SYNE1: variants seen among roughly 807,000 people sequenced by gnomAD.
SYNE1 encodes spectrin repeat containing nuclear envelope protein 1, also known as nesprin-1.
Under a neutral mutation model 1,111.0 loss-of-function variants are expected in SYNE1, and 616 were observed. That is an observed-to-expected ratio of 0.55 (90% confidence interval 0.52 to 0.59). The LOEUF is 0.59. SYNE1 is among the 20% of genes least tolerant of loss of function. SYNE1 has a pLI of 0.00. For missense variants in SYNE1, 10,006 were observed against 10,417.0 expected (o/e 0.96, Z 1.72); for synonymous variants, 3,855 against 3,825.8 (o/e 1.01, Z -0.28).
chr6:152,151,683 A>AT lies in SYNE1; in HGVS notation c.24319dup (p.Ile8107AsnfsTer5). On this transcript the variant is annotated frameshift_variant, in exon 135 of 146. Transcript: ENST00000367255. LOFTEE classifies it high-confidence loss of function. ...AGTCTCAAACTCCTCACGCTGGCCA[A>AT]TAAAATGCTGGAAGGCAAGAGGAAA... 1 of 1,614,096 alleles carries AT rather than the reference A, an allele frequency of 6.2e-7. No individual in the cohort carries two copies. Among genetic ancestry groups the AT allele is most frequent in the Non-Finnish European group, 8.5e-7 (1 of 1,179,974 alleles).
intron 76 of SYNE1, chr6:152,335,620 A>G (rs1214275794): frequency 2.6e-5 from 4 of 152,166 alleles, no homozygotes; most frequent in African/African-American, 7.2e-5. Context: ...ATAATCACAG[A>G]GAAAAAACAT....
In SYNE1 at chr6:152,269,242, G is replaced by A; in HGVS notation, c.18618C>T (p.Ala6206=). The A allele has an allele frequency of 6.2e-7, 1 of 1,614,120 alleles. No homozygotes were observed. Among genetic ancestry groups the A allele is most frequent in the Non-Finnish European group, 8.5e-7 (1 of 1,180,034 alleles). The change falls in exon 99 of 146, where the codon GCC becomes GCT. Residue 6206 remains alanine, a synonymous_variant. Transcript: ENST00000367255. Reference sequence around the variant, plus strand: ...ATTCCTGGACGCCGGGGCTCTGCGTGGCTGTTAGGTCAACATCGCTCTCCT... The same window carrying A: ...ATTCCTGGACGCCGGGGCTCTGCGTAGCTGTTAGGTCAACATCGCTCTCCT... ...EKEESDVDLT[A]TQSPGVQEWL...
intron 67 of SYNE1, 34 bp downstream of exon 67, chr6:152,354,625 T>A (rs2096802166): frequency 6.2e-7 from 1 of 1,611,990 alleles, no homozygotes. Context: ...TAACTGTAGC[T>A]TTGACAAAGA....
rs777390431 is a variant in SYNE1 at position 152,136,788 on chromosome 6, C to T, written c.25489G>A (p.Ala8497Thr). Reference sequence around the variant, plus strand: ...CAGAGATTGATGGAGAGGATGATGGCTTTGCGGTGGTCCACAGCTTTCTGG... The same window carrying T: ...CAGAGATTGATGGAGAGGATGATGGTTTTGCGGTGGTCCACAGCTTTCTGG... The part of the protein sequence containing the change: ...ELQKAVDHRK[A>T]IILSINLCSP... Residue 8497 changes from alanine (A) to threonine (T), a missense_variant, in exon 141 of 146, where the codon GCC becomes ACC. Ala to Thr is a moderately conservative substitution (Grantham distance 58). Around this residue, in one of 7 missense-constraint regions of SYNE1, gnomAD observed 761 missense variants for 795.5 expected, o/e 0.96. Transcript: ENST00000367255. 2.5e-6 allele frequency: 4 copies of T among 1,614,086 alleles called. No individual in the cohort carries two copies. The highest frequency in any genetic ancestry group is 3.4e-6 in the Non-Finnish European group (4 of 1,180,054).
At chr6:152,621,905 C>G (rs1262081844) in intron 3 of SYNE1, among the ~76,000 whole-genome samples, 1 of 152,004 alleles carries the variant, frequency 6.6e-6, no homozygotes, top group Non-Finnish European at 1.5e-5. Flanking sequence ...AAAAACCACT[C>G]GATTAAAACA....
rs1222536467 is a variant in SYNE1 at position 152,611,269 on chromosome 6, C to A, written c.67+16996G>T. 3.3e-5 allele frequency among the ~76,000 whole-genome samples: 5 copies of A among 152,148 alleles called. No individual in the cohort carries two copies. The East Asian group carries it at 7.7e-4, about 24-fold the overall frequency. ...GAGACCCATCTCACGTGCAGAGACACACATAGGCTCAAAATAAAGGGATGG... is the reference window on the plus strand; with the variant it reads ...GAGACCCATCTCACGTGCAGAGACAAACATAGGCTCAAAATAAAGGGATGG... On this transcript the variant is annotated intron_variant, in intron 3 of 145. Transcript: ENST00000367255.
At chr6:152,405,670 A>G (rs1005244593) in intron 45 of SYNE1, among the ~76,000 whole-genome samples, 1 of 152,204 alleles carries the variant, frequency 6.6e-6, no homozygotes, top group African/African-American at 2.4e-5. Context: ...GCAAGCTGGT[A>G]TAAGCTGGAT....
intron 55 of SYNE1, among the ~76,000 whole-genome samples, chr6:152,382,521 T>C (rs2097438498): frequency 6.6e-6 from 1 of 152,190 alleles, no homozygotes; most frequent in African/African-American, 2.4e-5. Context: ...AAGTATTTAG[T>C]ATTCAGTTGT....
At position 152,310,883 on chromosome 6, in the gene SYNE1, AT is replaced by A. The variant is rs1444020361; in HGVS notation, c.16711-11del. ...ATTCTTCTAGCAGGGTCTAGAGTGA[AT>A]TGTCAATATTCATGACATTGACGGG... On this transcript the variant is annotated splice_polypyrimidine_tract_variant and intron_variant, in intron 87 of 145. Transcript: ENST00000367255. 6.2e-7 allele frequency: 1 copy of A among 1,612,906 alleles called. No individual in the cohort carries two copies. The highest frequency in any genetic ancestry group is 1.3e-5 in the African/African-American group (1 of 74,902).
At chr6:152,296,125 G>A (rs2094868610) in intron 93 of SYNE1, among the ~76,000 whole-genome samples, 1 of 152,194 alleles carries the variant, frequency 6.6e-6, no homozygotes, top group African/African-American at 2.4e-5. Context: ...GATGACTGCA[G>A]AGCTTGCTCT....
In SYNE1 at chr6:152,148,621, A is replaced by G. The variant is rs2059899832; in HGVS notation, c.24643-243T>C. ...AAGGAACTTAATTCCTCTGGGCCTCAGTTTTCTCATCTATAAAATGGGAAT... is the reference window on the plus strand; with the variant it reads ...AAGGAACTTAATTCCTCTGGGCCTCGGTTTTCTCATCTATAAAATGGGAAT... On this transcript the variant is annotated intron_variant, in intron 136 of 145. Coordinates refer to ENST00000367255, the MANE Select transcript of SYNE1 (RefSeq NM_182961.4). The surrounding 1 kb of genome is among the most constrained non-coding windows in gnomAD (Gnocchi z 4.1). Among the ~76,000 whole-genome samples, 1 of 150,628 alleles carries G rather than the reference A, an allele frequency of 6.6e-6. No homozygotes were observed. The highest frequency in any genetic ancestry group is 2.4e-5 in the African/African-American group (1 of 41,056).
Position 152,318,968 on chromosome 6 carries a change from C to T in SYNE1, c.16284G>A (p.Gln5428=). 1 of 1,614,156 alleles carries T rather than the reference C, an allele frequency of 6.2e-7. No individual in the cohort carries two copies. Among genetic ancestry groups the T allele is most frequent in the Non-Finnish European group, 8.5e-7 (1 of 1,180,022 alleles). The stretch of plus-strand genomic sequence containing the variant: ...ACTTCTGAATTTGCCGGCTGAGTTC[C>T]TGGCTCGTGGCCTTGCTCTGCTCAA... The part of the protein sequence containing the change: ...KEVEQSKATS[Q]ELSRQIQKLA... Residue 5428 remains glutamine (Q), a synonymous_variant, in exon 85 of 146, where the codon CAG becomes CAA. Coordinates refer to ENST00000367255, the MANE Select transcript of SYNE1 (RefSeq NM_182961.4).
chr6:152,216,032 C>T (rs2078558344), intron 121 of SYNE1, among the ~76,000 whole-genome samples: 1 of 152,178 alleles, frequency 6.6e-6, no homozygotes, highest in Non-Finnish European at 1.5e-5. Context: ...GTTGTCGGTT[C>T]TGATTTTCCC....
intron 3 of SYNE1, among the ~76,000 whole-genome samples, chr6:152,551,431 C>G (rs1010595999): frequency 6.6e-6 from 1 of 152,116 alleles, no homozygotes; most frequent in Admixed American, 6.6e-5. Flanking sequence ...TTATTTGATT[C>G]ACTAATTTAA....
intron 133 of SYNE1, among the ~76,000 whole-genome samples, chr6:152,154,340 A>G (rs1171813439): frequency 6.6e-6 from 1 of 152,120 alleles, no homozygotes; most frequent in Non-Finnish European, 1.5e-5. Flanking sequence ...AGTGTAATTG[A>G]AAAGTTTTGG....
rs1236288990 is a variant in SYNE1, at chr6:152,133,284, T to G, written c.25993A>C (p.Ser8665Arg). ...GTCTGTTTATTGCTTACCTGCTGAC[T>G]ACTTGACACGTCTAATAACTTCTCC... Reference protein sequence around the residue: ...ELEKLLDVSSSQQDLSSWSSA... With the variant: ...ELEKLLDVSSRQQDLSSWSSA... Residue 8665 changes from serine to arginine, a missense_variant, in exon 143 of 146, where the codon AGT becomes CGT. Ser to Arg is a moderately radical substitution (Grantham distance 110). Coordinates refer to ENST00000367255, the MANE Select transcript of SYNE1 (RefSeq NM_182961.4). The G allele has an allele frequency of 3.1e-6, 5 of 1,614,058 alleles. No homozygotes were observed. The highest frequency in any genetic ancestry group is 4.2e-6 in the Non-Finnish European group (5 of 1,180,004).
At chr6:152,626,163 A>C (rs1314421767) in intron 3 of SYNE1, among the ~76,000 whole-genome samples, 1 of 152,190 alleles carries the variant, frequency 6.6e-6, no homozygotes, top group Non-Finnish European at 1.5e-5. Context: ...CAATTATCTT[A>C]ATAAAAAGGA....
At position 152,404,332 on chromosome 6, in the gene SYNE1, A is replaced by G; in HGVS notation, c.6724-18T>C. On this transcript the variant is annotated intron_variant, in intron 45 of 145. Coordinates refer to ENST00000367255, the MANE Select transcript of SYNE1 (RefSeq NM_182961.4). ...ACTTCAGACTGCCAAAAGGGAAGAA[A>G]CATAACTAATCAAAAACACTGACAT... 2 of 1,573,432 alleles carry G rather than the reference A, an allele frequency of 1.3e-6. No individual in the cohort carries two copies. Among genetic ancestry groups the G allele is most frequent in the Non-Finnish European group, 1.7e-6 (2 of 1,145,418 alleles).
intron 14 of SYNE1, among the ~76,000 whole-genome samples, chr6:152,477,600 T>G (rs1049364328): frequency 1.3e-5 from 2 of 152,206 alleles, no homozygotes; most frequent in African/African-American, 4.8e-5. Context: ...CCTTTTACTT[T>G]CTAACCTAAA....
Sources: allele counts gnomAD v4.1 joint callset (sites outside exome capture counted in the v4.1 genomes callset), GRCh38; gene constraint gnomAD v4.1.1; regional missense constraint gnomAD v4.1.1; non-coding constraint Gnocchi (gnomAD v3.1); transcripts MANE v1.5; gene names NCBI Gene and HGNC (gene_info 2026-07-23, HGNC 2026-07-21).